Variants in NIM1K observed in about 807,000 individuals in gnomAD.
NIM1K encodes the protein NIM1 serine/threonine protein kinase.
Under a neutral mutation model 37.1 loss-of-function variants are expected in NIM1K, and 35 were observed. The ratio of observed to expected loss-of-function variants is 0.94; its 90% CI spans 0.72 to 1.25. NIM1K has a LOEUF of 1.25. Among genes scored for constraint, NIM1K ranks in the 50% most tolerant of loss-of-function variants. The pLI is 0.00. For missense variants in NIM1K, 564 were observed against 548.0 expected, an observed-to-expected ratio of 1.03 and a Z score of -0.29; for synonymous variants, 234 against 206.6, an observed-to-expected ratio of 1.13 and a Z score of -1.14.
chr5:43,273,366 G>A lies in NIM1K; in HGVS notation c.293-3691G>A, dbSNP rs533236973. Among the ~76,000 whole-genome samples the A allele has an allele frequency of 2.6e-5, 4 of 152,046 alleles. No individual in the cohort carries two copies. The South Asian group carries it at 8.3e-4, about 32-fold the overall frequency. ...TTACAGGCGGCTGCCACCATGCCTGGCTAATTTTTTGTATTTATAGTAGAG... is the reference window on the plus strand; with the variant it reads ...TTACAGGCGGCTGCCACCATGCCTGACTAATTTTTTGTATTTATAGTAGAG... On this transcript the variant is annotated intron_variant, in intron 2 of 3. Coordinates refer to ENST00000326035, the MANE Select transcript of NIM1K (RefSeq NM_153361.4).
At chr5:43,269,410 G>A (rs1753221439) in intron 2 of NIM1K, among the ~76,000 whole-genome samples, 1 of 150,902 alleles carries the variant, frequency 6.6e-6, no homozygotes, top group Admixed American at 6.6e-5. Context: ...GTGCTTGTGT[G>A]AATCCTTATG....
At chr5:43,205,402 T>G (rs1034563462) in intron 1 of NIM1K, among the ~76,000 whole-genome samples, 15 of 152,218 alleles carry the variant, frequency 9.9e-5, no homozygotes, top group Admixed American at 3.9e-4. Context: ...TTTAGTATAC[T>G]TTCCCTGTTA....
chr5:43,254,832 T>C (rs1752916753), intron 2 of NIM1K, among the ~76,000 whole-genome samples: 1 of 152,192 alleles, frequency 6.6e-6, no homozygotes, highest in Non-Finnish European at 1.5e-5. Flanking sequence ...GTTTCCTAAG[T>C]AGCATGGGGG....
chr5:43,279,897 C>T (rs1753410284), intron 3 of NIM1K, 83 bp from the exon 4 acceptor site: 1 of 1,095,472 alleles, frequency 9.1e-7, no homozygotes, highest in Admixed American at 2.2e-5. Flanking sequence ...CCATCATTAT[C>T]TCACTGTTTC....
chr5:43,264,567 C>G (rs941189781), intron 2 of NIM1K, among the ~76,000 whole-genome samples: 2 of 151,860 alleles, frequency 1.3e-5, no homozygotes, highest in African/African-American at 4.8e-5. Flanking sequence ...CGTCTTGACT[C>G]TATCCAATTT....
chr5:43,272,972 G>A (rs112862688), intron 2 of NIM1K, among the ~76,000 whole-genome samples: 49 of 152,184 alleles, frequency 3.2e-4, no homozygotes, highest in Middle Eastern at 6.8e-3. Flanking sequence ...CTGGCACTAG[G>A]AGTCCTGGTT....
At chr5:43,232,158 G>C (rs1390387568) in intron 1 of NIM1K, 1 of 989,026 alleles carries the variant, frequency 1.0e-6, no homozygotes, top group South Asian at 1.3e-5. Flanking sequence ...TGATACACTT[G>C]GTCTTGATTG....
chr5:43,242,605 A>T (rs1752719009), intron 1 of NIM1K, among the ~76,000 whole-genome samples: 1 of 152,010 alleles, frequency 6.6e-6, no homozygotes, highest in Admixed American at 6.5e-5. Flanking sequence ...GGACTGAAAT[A>T]AACTGAGATA....
chr5:43,207,436 G>A (rs949981115), intron 1 of NIM1K: 7 of 839,360 alleles, frequency 8.3e-6, no homozygotes, highest in Middle Eastern at 3.5e-4. Flanking sequence ...ACTGCTATCA[G>A]GTTCTAATAG....
chr5:43,269,450 T>C (rs983026416), intron 2 of NIM1K, among the ~76,000 whole-genome samples: 3 of 151,998 alleles, frequency 2.0e-5, no homozygotes, highest in African/African-American at 4.8e-5. Context: ...AGACAGCAGA[T>C]ATTTGGTTTG....
At chr5:43,214,698 C>T (rs1221525048) in intron 1 of NIM1K, among the ~76,000 whole-genome samples, 1 of 151,646 alleles carries the variant, frequency 6.6e-6, no homozygotes, top group East Asian at 1.9e-4. Flanking sequence ...TGCCTGTAGT[C>T]CCAGCTACTC....
At position 43,211,782 on chromosome 5, in the gene NIM1K, C is replaced by T. The variant is rs1447864646; in HGVS notation, c.-695+19371C>T. Among the ~76,000 whole-genome samples, 3 of 152,244 alleles carry T rather than the reference C, an allele frequency of 2.0e-5. No homozygotes were observed. The East Asian group carries it at 5.8e-4, about 29-fold the overall frequency. ...TTTTAATGAAGGATTTTAAGCAGGA[C>T]AGTACTGTGGTAAAATCTACATTTT... On this transcript the variant is annotated intron_variant, in intron 1 of 3. Coordinates refer to ENST00000326035, the MANE Select transcript of NIM1K (RefSeq NM_153361.4).
chr5:43,277,979 C>CCTT (rs1554017511), intron 3 of NIM1K, among the ~76,000 whole-genome samples: 1 of 151,290 alleles, frequency 6.6e-6, no homozygotes, highest in Non-Finnish European at 1.5e-5. Flanking sequence ...CTGCCTTCCA[C>CCTT]CCTTCCTTCC....
chr5:43,198,197 T>C (rs1352283972), intron 1 of NIM1K, among the ~76,000 whole-genome samples: 5 of 57,050 alleles, frequency 8.8e-5, no homozygotes, highest in South Asian at 6.9e-4. Context: ...CTTTCTTTCT[T>C]TCTTTCTTTC....
chr5:43,216,320 A>C (rs1257028789), intron 1 of NIM1K, among the ~76,000 whole-genome samples: 1 of 151,464 alleles, frequency 6.6e-6, no homozygotes, highest in Non-Finnish European at 1.5e-5. Flanking sequence ...ACTGTCATTC[A>C]TGATAATTGA....
intron 1 of NIM1K, among the ~76,000 whole-genome samples, chr5:43,220,293 C>CTTTTTTTTTTTTTTTTTTTTTTTTTT: frequency 7.7e-6 from 1 of 130,430 alleles, no homozygotes; most frequent in Non-Finnish European, 1.6e-5. Flanking sequence ...GTGGGTATCT[C>CTTTTTTTTTTTTTTTTTTTTTTTTTT]TTTTTTTTTT....
intron 1 of NIM1K, among the ~76,000 whole-genome samples, chr5:43,202,776 A>G (rs200269851): frequency 1.0e-4 from 6 of 59,108 alleles, no homozygotes; most frequent in Admixed American, 2.9e-4. Context: ...GAACGGTCAG[A>G]AGGAGGAAAG....
At chr5:43,225,020 G>A (rs966446586) in intron 1 of NIM1K, among the ~76,000 whole-genome samples, 3 of 152,114 alleles carry the variant, frequency 2.0e-5, no homozygotes, top group African/African-American at 7.2e-5. Context: ...AAGGGGGACA[G>A]ATACAAAAAG....
chr5:43,218,608 C>T (rs902394932), intron 1 of NIM1K, among the ~76,000 whole-genome samples: 7 of 152,176 alleles, frequency 4.6e-5, no homozygotes, highest in African/African-American at 1.7e-4. Context: ...AGAGAACTCA[C>T]TCACTAACAC....
Sources: gnomAD v4.1 joint callset for allele counts (sites outside exome capture counted in the v4.1 genomes callset) on GRCh38, gnomAD v4.1.1 for gene constraint, MANE v1.5 for transcripts, NCBI Gene and HGNC (gene_info 2026-07-23, HGNC 2026-07-21) for gene names.